The following ATP10B variants were observed in gnomAD, a reference collection of about 807,000 sequenced individuals.
ATP10B encodes ATPase phospholipid transporting 10B (putative), also known as phospholipid-transporting ATPase VB.
In ATP10B, 122 loss-of-function variants were observed where a neutral mutation model predicts 141.2. The observed-to-expected ratio is 0.86, with a 90% confidence interval of 0.75 to 1.00. The LOEUF is 1.00. ATP10B is among the 50% of genes least tolerant of loss of function. The probability of loss-of-function intolerance (pLI) is 0.00; values close to 1 mark genes in which losing one functional copy is unlikely to be tolerated. For missense variants in ATP10B, 1,876 were observed against 1,825.3 expected (o/e 1.03, Z -0.51); for synonymous variants, 685 against 692.0 (o/e 0.99, Z 0.16).
intron 21 of ATP10B, among the ~76,000 whole-genome samples, chr5:160,602,092 T>G (rs1757128199): frequency 6.6e-6 from 1 of 152,116 alleles, no homozygotes; most frequent in South Asian, 2.1e-4. Flanking sequence ...GAGACTTAAC[T>G]CCAAGAGTAA....
rs1421991051 is a variant in ATP10B, at chr5:160,789,692, C to T, written c.-575-3889G>A. Among the ~76,000 whole-genome samples, 3 of 152,094 alleles carry T rather than the reference C, an allele frequency of 2.0e-5. No individual in the cohort carries two copies. The East Asian group carries it at 5.8e-4, about 29-fold the overall frequency. On this transcript the variant is annotated intron_variant, in intron 1 of 25. Transcript: ENST00000327245. ...CAATGCCAAGCGTAATTATTGGCTA[C>T]AGATTACAGACAGGAAACAGACTCA... is the stretch of plus-strand genomic sequence containing the variant.
At chr5:160,913,052 C>A in the ATP10B span, among the ~76,000 whole-genome samples, 2 of 152,200 alleles carry the variant, frequency 1.3e-5, no homozygotes, top group African/African-American at 4.8e-5. Context: ...TTGTTGACAG[C>A]ATTTCCAATG....
intron 24 of ATP10B, among the ~76,000 whole-genome samples, chr5:160,588,883 A>G (rs933820878): frequency 1.3e-5 from 2 of 152,184 alleles, no homozygotes; most frequent in Non-Finnish European, 2.9e-5. Context: ...GATATGCTTG[A>G]GATATGGTTA....
intron 2 of ATP10B, among the ~76,000 whole-genome samples, chr5:160,773,482 G>T (rs1026167359): frequency 1.1e-4 from 16 of 152,112 alleles, no homozygotes; most frequent in Admixed American, 7.9e-4. Context: ...CAGCTGTGTT[G>T]GAATGATACT....
At chr5:160,587,692 T>C (rs1180575763) in intron 24 of ATP10B, among the ~76,000 whole-genome samples, 2 of 152,224 alleles carry the variant, frequency 1.3e-5, no homozygotes, top group African/African-American at 4.8e-5. Context: ...TTTGTAGCAA[T>C]TGTGATTGGA....
chr5:160,866,937 C>T, the ATP10B span, among the ~76,000 whole-genome samples: 1,298 of 152,056 alleles, frequency 8.5e-3, 3 homozygotes, highest in Admixed American at 9.8e-3. Context: ...ATTTTATGAA[C>T]GACTGGACCA....
At chr5:160,676,534 A>T (rs1313092944) in intron 6 of ATP10B, among the ~76,000 whole-genome samples, 1 of 152,184 alleles carries the variant, frequency 6.6e-6, no homozygotes, top group Non-Finnish European at 1.5e-5. Context: ...GAAGCTTGCT[A>T]AGAGCTGCGA....
At chr5:160,631,936 A>G (rs1466512237) in intron 13 of ATP10B, among the ~76,000 whole-genome samples, 193 bp downstream of exon 13, 1 of 152,264 alleles carries the variant, frequency 6.6e-6, no homozygotes, top group African/African-American at 2.4e-5. Flanking sequence ...TCTGATTTCT[A>G]AACATTGAAC....
the ATP10B span, among the ~76,000 whole-genome samples, chr5:160,874,912 T>C: frequency 2.1e-5 from 3 of 143,924 alleles, no homozygotes; most frequent in African/African-American, 5.2e-5. Flanking sequence ...ATCTGATTGG[T>C]GTACCTGAAA....
intron 2 of ATP10B, among the ~76,000 whole-genome samples, chr5:160,724,111 C>A (rs763458458): frequency 2.6e-5 from 4 of 151,998 alleles, no homozygotes; most frequent in Non-Finnish European, 5.9e-5. Context: ...AGAACATACA[C>A]TGGGGCCTAT....
intron 1 of ATP10B, among the ~76,000 whole-genome samples, chr5:160,798,604 C>T (rs556408188): frequency 5.3e-5 from 8 of 152,198 alleles, no homozygotes; most frequent in Non-Finnish European, 8.8e-5. Flanking sequence ...GAGAATGGCC[C>T]GGCTGACTCT....
At chr5:160,767,451 C>A (rs184538926) in intron 2 of ATP10B, among the ~76,000 whole-genome samples, 5 of 152,174 alleles carry the variant, frequency 3.3e-5, no homozygotes, top group African/African-American at 9.6e-5. Flanking sequence ...AGATATTAAG[C>A]GTATTTTCTG....
intron 10 of ATP10B, among the ~76,000 whole-genome samples, chr5:160,636,943 C>T (rs1295894960): frequency 6.7e-6 from 1 of 150,302 alleles, no homozygotes; most frequent in Non-Finnish European, 1.5e-5. Context: ...CATCCATCCA[C>T]CCATCTACTC....
chr5:160,880,212 A>G, the ATP10B span, among the ~76,000 whole-genome samples: 1 of 61,232 alleles, frequency 1.6e-5, no homozygotes, highest in Non-Finnish European at 4.2e-5. Context: ...TATATAATAT[A>G]TAAAATATAA....
the ATP10B span, among the ~76,000 whole-genome samples, chr5:160,884,664 T>G: frequency 1.3e-5 from 2 of 152,138 alleles, no homozygotes; most frequent in Non-Finnish European, 2.9e-5. Context: ...TACTTTTTCA[T>G]TATGGCAATT....
intron 6 of ATP10B, among the ~76,000 whole-genome samples, chr5:160,671,750 C>A (rs1370350151): frequency 1.3e-5 from 2 of 152,128 alleles, no homozygotes; most frequent in African/African-American, 4.8e-5. Context: ...TGCATAATAA[C>A]CCACAGGAGT....
intron 7 of ATP10B, among the ~76,000 whole-genome samples, chr5:160,664,786 A>C (rs770945727): frequency 9.1e-4 from 138 of 152,202 alleles, no homozygotes; most frequent in Non-Finnish European, 1.7e-3. Context: ...AGTGATTTGG[A>C]AAATAGATAG....
intron 1 of ATP10B, among the ~76,000 whole-genome samples, chr5:160,836,295 A>G (rs960882114): frequency 6.6e-6 from 1 of 152,186 alleles, no homozygotes; most frequent in Non-Finnish European, 1.5e-5. Context: ...AAAACTCTGT[A>G]AATTCATTAC....
At chr5:160,814,922 G>A (rs996620655) in intron 1 of ATP10B, among the ~76,000 whole-genome samples, 2 of 152,160 alleles carry the variant, frequency 1.3e-5, no homozygotes, top group Non-Finnish European at 2.9e-5. Context: ...ATCCTTTACA[G>A]AGAAGCAAAT....
Sources: gnomAD v4.1 joint callset for allele counts (sites outside exome capture counted in the v4.1 genomes callset) on GRCh38, gnomAD v4.1.1 for gene constraint, MANE v1.5 for transcripts, NCBI Gene and HGNC (gene_info 2026-07-23, HGNC 2026-07-21) for gene names.